Variants in ST18 observed in about 807,000 individuals in gnomAD.
ST18 encodes ST18 C2H2C-type zinc finger transcription factor.
In ST18, 50 loss-of-function variants were observed where a neutral mutation model predicts 110.0. That is an observed-to-expected ratio of 0.45 (90% CI 0.36 to 0.58). ST18 has a LOEUF of 0.58. Ranked by LOEUF, ST18 falls within the 20% of genes least tolerant of loss-of-function variation. ST18 has a pLI of 0.00. For synonymous variants in ST18, 461 were observed against 452.4 expected, an observed-to-expected ratio of 1.02 and a Z score of -0.24; for missense variants, 1,306 against 1,280.1, an observed-to-expected ratio of 1.02 and a Z score of -0.31.
At chr8:52,180,080 G>A in intron 9 of ST18, 42 bp downstream of exon 9, 1 of 1,599,946 alleles carries the variant, frequency 6.3e-7, no homozygotes, top group South Asian at 1.1e-5. Context: ...AGAGTCCTTG[G>A]AGCCAGGGAG....
chr8:52,294,644 G>C (rs2095604665), intron 2 of ST18: 1 of 152,246 alleles, frequency 6.6e-6, no homozygotes, highest in East Asian at 1.9e-4. Context: ...CTTACACCTT[G>C]CTCATACAAA....
At chr8:52,206,240 G>A (rs2080016356) in intron 8 of ST18, among the ~76,000 whole-genome samples, 1 of 152,164 alleles carries the variant, frequency 6.6e-6, no homozygotes, top group African/African-American at 2.4e-5. Flanking sequence ...CAGACGCTGT[G>A]CACATTGTTC....
chr8:52,356,299 C>CTTTTTATTTTTATT (rs1352556728), intron 2 of ST18, among the ~76,000 whole-genome samples: 1 of 152,124 alleles, frequency 6.6e-6, no homozygotes, highest in Admixed American at 6.6e-5. Flanking sequence ...ATTTATTGTT[C>CTTTTTATTTTTATT]TTTCTTTTTC....
chr8:52,150,205 G>T (rs559482588), intron 15 of ST18, among the ~76,000 whole-genome samples: 4 of 152,080 alleles, frequency 2.6e-5, no homozygotes, highest in Non-Finnish European at 2.9e-5. Flanking sequence ...TAAGCTTAAT[G>T]TAAATAAGAT....
At chr8:52,404,555 C>T (rs930751608) in intron 2 of ST18, 29 of 152,164 alleles carry the variant, frequency 1.9e-4, no homozygotes, top group Admixed American at 1.9e-3. Context: ...ACCCAAACAC[C>T]CAGCACTGTT....
At chr8:52,174,016 T>A (rs1420457376) in intron 9 of ST18, among the ~76,000 whole-genome samples, 1 of 152,186 alleles carries the variant, frequency 6.6e-6, no homozygotes, top group East Asian at 1.9e-4. Context: ...ATCAAGTAAA[T>A]ATTGCCATAG....
chr8:52,162,503 G>T (rs992252337), intron 13 of ST18, among the ~76,000 whole-genome samples: 1 of 152,122 alleles, frequency 6.6e-6, no homozygotes, highest in African/African-American at 2.4e-5. Context: ...CCTTCAGTCA[G>T]AATGTTTTTG....
chr8:52,169,506 T>A (rs1421859158), intron 10 of ST18, among the ~76,000 whole-genome samples: 1 of 152,160 alleles, frequency 6.6e-6, no homozygotes, highest in Non-Finnish European at 1.5e-5. Context: ...ATCTGAAAGC[T>A]GGGGTAAAAT....
chr8:52,165,461 G>A (rs1355399667), intron 11 of ST18, among the ~76,000 whole-genome samples: 1 of 152,204 alleles, frequency 6.6e-6, no homozygotes, highest in Non-Finnish European at 1.5e-5. Context: ...CTAGACTTCA[G>A]TGAGATGATT....
chr8:52,209,009 T>C (rs1003065758), intron 8 of ST18, among the ~76,000 whole-genome samples: 2 of 152,194 alleles, frequency 1.3e-5, no homozygotes, highest in African/African-American at 4.8e-5. Flanking sequence ...CCAGCAAGTA[T>C]CATTAGCTTT....
intron 2 of ST18, among the ~76,000 whole-genome samples, chr8:52,236,307 T>C (rs2092662831): frequency 6.6e-6 from 1 of 152,190 alleles, no homozygotes; most frequent in South Asian, 2.1e-4. Flanking sequence ...CAGTACAAGC[T>C]AGTATTCAGA....
intron 2 of ST18, among the ~76,000 whole-genome samples, chr8:52,354,984 C>T (rs1203750530): frequency 6.6e-6 from 1 of 152,182 alleles, no homozygotes; most frequent in Non-Finnish European, 1.5e-5. Flanking sequence ...TTCATAAAAG[C>T]CTAGAAGGCC....
chr8:52,124,673 C>T lies in ST18; in HGVS notation c.2755+1379G>A, dbSNP rs577438359. Among the ~76,000 whole-genome samples the T allele has an allele frequency of 3.3e-5, 5 of 152,260 alleles. No homozygotes were observed. The South Asian group carries it at 1.0e-3, about 32-fold the overall frequency. On this transcript the variant is annotated intron_variant, in intron 23 of 25. Coordinates refer to ENST00000689386, the MANE Select transcript of ST18 (RefSeq NM_001352837.2). The stretch of plus-strand genomic sequence containing the variant: ...GAACATCTAGTGAAAAGCTCTTTTA[C>T]TGAGCATGTGAATGCTGGAAAGACT...
intron 2 of ST18, among the ~76,000 whole-genome samples, chr8:52,292,770 C>T (rs1392685505): frequency 2.0e-5 from 3 of 152,134 alleles, no homozygotes; most frequent in Non-Finnish European, 1.5e-5. Flanking sequence ...TCTATGAAAC[C>T]TCATTCCACA....
chr8:52,135,403 A>G lies in ST18; in HGVS notation c.2300+1187T>C, dbSNP rs58801101. Among the ~76,000 whole-genome samples, 504 of 152,030 alleles carry G rather than the reference A, an allele frequency of 3.3e-3. 1 individual carries two copies. Among genetic ancestry groups the G allele is most frequent in the African/African-American group, 0.012 (477 of 41,460 alleles). ...TGGTGAAACAGTGTCTCTACTAAAA[A>G]TACAAAAAGCACTCAGGCATGGTTG... On this transcript the variant is annotated intron_variant, in intron 19 of 25. Transcript: ENST00000689386.
intron 2 of ST18, among the ~76,000 whole-genome samples, chr8:52,408,570 C>A (rs1035245189): frequency 6.6e-6 from 1 of 152,208 alleles, no homozygotes; most frequent in Non-Finnish European, 1.5e-5. Flanking sequence ...ATTGTACCAA[C>A]AAATAAAAGT....
chr8:52,219,941 T>TTGGTG (rs1299859670), intron 5 of ST18, among the ~76,000 whole-genome samples: 1 of 152,256 alleles, frequency 6.6e-6, no homozygotes, highest in Non-Finnish European at 1.5e-5. Context: ...AAGCCATGTG[T>TTGGTG]TGGTGTCTTT....
At chr8:52,388,827 A>C (rs1439705492) in intron 2 of ST18, among the ~76,000 whole-genome samples, 1 of 54,400 alleles carries the variant, frequency 1.8e-5, no homozygotes, top group African/African-American at 7.6e-5. Flanking sequence ...GGGTGGGGGG[A>C]GGGGGGAGGG....
At chr8:52,383,661 C>T (rs1835457739) in intron 2 of ST18, among the ~76,000 whole-genome samples, 1 of 152,100 alleles carries the variant, frequency 6.6e-6, no homozygotes, top group African/African-American at 2.4e-5. Flanking sequence ...GTTGGTCAGG[C>T]TGGTCTCTAA....
Sources: allele counts gnomAD v4.1 joint callset (sites outside exome capture counted in the v4.1 genomes callset), GRCh38; gene constraint gnomAD v4.1.1; transcripts MANE v1.5; gene names NCBI Gene and HGNC (gene_info 2026-07-23, HGNC 2026-07-21).